GABRA2: variants seen among roughly 807,000 people sequenced by gnomAD.
GABRA2 encodes the protein gamma-aminobutyric acid receptor subunit alpha-2.
Under a neutral mutation model 48.7 loss-of-function variants are expected in GABRA2, and 16 were observed. That is an observed-to-expected ratio of 0.33 (90% CI 0.22 to 0.50). The LOEUF (loss-of-function observed/expected upper bound fraction) is 0.50, where lower values mean the gene tolerates loss of function less well. Ranked by LOEUF, GABRA2 falls within the 20% of genes least tolerant of loss-of-function variation. GABRA2 has a pLI of 0.98. For missense variants in GABRA2, 275 were observed against 535.6 expected, an observed-to-expected ratio of 0.51 and a Z score of 4.80; for synonymous variants, 185 against 184.5, an observed-to-expected ratio of 1.00 and a Z score of -0.02.
At position 46,274,636 on chromosome 4, in the gene GABRA2, G is replaced by A. The variant is rs148834596; in HGVS notation, c.857-12508C>T. ...GGAAATGATATTTTGGGGGTTGTTGGAAGGAAAACCTATAAGCATACGTGC... is the reference window on the plus strand; with the variant it reads ...GGAAATGATATTTTGGGGGTTGTTGAAAGGAAAACCTATAAGCATACGTGC... On this transcript the variant is annotated intron_variant, in intron 8 of 9. Transcript: ENST00000381620. Among the ~76,000 whole-genome samples, 198 of 152,158 alleles carry A rather than the reference G, an allele frequency of 1.3e-3. 1 individual carries two copies. Among genetic ancestry groups the A allele is most frequent in the African/African-American group, 4.6e-3 (189 of 41,530 alleles).
chr4:46,262,832 G>A (rs1717257061), intron 8 of GABRA2, among the ~76,000 whole-genome samples: 1 of 151,866 alleles, frequency 6.6e-6, no homozygotes, highest in Admixed American at 6.6e-5. Flanking sequence ...AGGAGACAGA[G>A]GTTGCAGTGA....
intron 2 of GABRA2, among the ~76,000 whole-genome samples, chr4:46,387,772 A>G (rs947567941): frequency 6.6e-6 from 1 of 152,164 alleles, no homozygotes; most frequent in Non-Finnish European, 1.5e-5. Flanking sequence ...TGGACAATTA[A>G]ATAAAAAGTT....
At chr4:46,279,918 T>A (rs1302264667) in intron 8 of GABRA2, among the ~76,000 whole-genome samples, 1 of 152,114 alleles carries the variant, frequency 6.6e-6, no homozygotes, top group Non-Finnish European at 1.5e-5. Flanking sequence ...ATTATATAAG[T>A]AGTACTTATA....
intron 4 of GABRA2, among the ~76,000 whole-genome samples, chr4:46,327,271 C>A (rs1730552388): frequency 6.6e-6 from 1 of 151,816 alleles, no homozygotes; most frequent in Non-Finnish European, 1.5e-5. Context: ...AATATGAGTC[C>A]ATAGATCATA....
At chr4:46,359,662 C>A (rs992399058) in intron 3 of GABRA2, among the ~76,000 whole-genome samples, 5 of 151,844 alleles carry the variant, frequency 3.3e-5, no homozygotes, top group Admixed American at 1.3e-4. Context: ...CAAAATAAAT[C>A]AAAACTTAAA....
chr4:46,299,423 T>G (rs1260585436), intron 8 of GABRA2, among the ~76,000 whole-genome samples: 1 of 151,888 alleles, frequency 6.6e-6, no homozygotes, highest in African/African-American at 2.4e-5. Flanking sequence ...ATTATTAATC[T>G]TACACAACTT....
At position 46,295,279 on chromosome 4, in the gene GABRA2, T is replaced by G. The variant is rs147818743; in HGVS notation, c.856+8181A>C. Among the ~76,000 whole-genome samples the G allele has an allele frequency of 5.6e-3, 860 of 152,276 alleles. 11 individuals are homozygous for G. Among genetic ancestry groups the G allele is most frequent in the African/African-American group, 0.02 (814 of 41,542 alleles). On this transcript the variant is annotated intron_variant, in intron 8 of 9. Transcript: ENST00000381620. ...GAAGGAAAACTGGCCAGATGTGCAATTATATACTGATTCATAGGCTGTAGC... is the reference window on the plus strand; with the variant it reads ...GAAGGAAAACTGGCCAGATGTGCAAGTATATACTGATTCATAGGCTGTAGC...
At chr4:46,264,764 T>C (rs923615466) in intron 8 of GABRA2, among the ~76,000 whole-genome samples, 1 of 151,890 alleles carries the variant, frequency 6.6e-6, no homozygotes, top group Non-Finnish European at 1.5e-5. Flanking sequence ...AGATTGTTGT[T>C]AATTCTTTGT....
intron 3 of GABRA2, among the ~76,000 whole-genome samples, chr4:46,348,615 G>C (rs1007919220): frequency 5.5e-4 from 83 of 152,064 alleles, no homozygotes; most frequent in Admixed American, 2.5e-3. Context: ...ATGAGGTCAT[G>C]TCCTTTGTAG....
intron 8 of GABRA2, among the ~76,000 whole-genome samples, chr4:46,294,709 G>A (rs1300293245): frequency 6.6e-6 from 1 of 150,714 alleles, no homozygotes; most frequent in Admixed American, 6.6e-5. Flanking sequence ...CTAAGATTTT[G>A]GAGAAAAGCC....
At chr4:46,348,872 A>C (rs1034408363) in intron 3 of GABRA2, among the ~76,000 whole-genome samples, 2 of 151,760 alleles carry the variant, frequency 1.3e-5, no homozygotes, top group African/African-American at 2.4e-5. Flanking sequence ...ACATGTATAC[A>C]TATGTAACAA....
At chr4:46,289,011 T>C (rs1385844702) in intron 8 of GABRA2, among the ~76,000 whole-genome samples, 1 of 151,972 alleles carries the variant, frequency 6.6e-6, no homozygotes, top group Non-Finnish European at 1.5e-5. Flanking sequence ...TGAGATACCA[T>C]CTGATACCAG....
chr4:46,313,113 TAGCA>T (rs1463195152), intron 4 of GABRA2, among the ~76,000 whole-genome samples: 179 of 113,686 alleles, frequency 1.6e-3, no homozygotes, highest in Middle Eastern at 4.3e-3. Context: ...GCTTTCCCAG[TAGCA>T]AATAAATAAA....
intron 4 of GABRA2, among the ~76,000 whole-genome samples, chr4:46,314,185 A>C (rs1728160852): frequency 6.6e-6 from 1 of 152,140 alleles, no homozygotes; most frequent in Non-Finnish European, 1.5e-5. Context: ...TTTGCACTGC[A>C]AGTTTCACGT....
chr4:46,330,290 A>G (rs1411273741), intron 4 of GABRA2, among the ~76,000 whole-genome samples: 1 of 152,040 alleles, frequency 6.6e-6, no homozygotes, highest in Non-Finnish European at 1.5e-5. Flanking sequence ...AGCTGTTTTT[A>G]GTTCAATTCA....
chr4:46,316,035 C>G (rs1355396816), intron 4 of GABRA2, among the ~76,000 whole-genome samples: 1 of 151,868 alleles, frequency 6.6e-6, no homozygotes, highest in Non-Finnish European at 1.5e-5. Flanking sequence ...TTTTCTGACA[C>G]TTGCATCTTT....
At chr4:46,273,811 T>G (rs1321941434) in intron 8 of GABRA2, among the ~76,000 whole-genome samples, 1 of 151,910 alleles carries the variant, frequency 6.6e-6, no homozygotes, top group Admixed American at 6.6e-5. Flanking sequence ...TCAGGAAGGC[T>G]TGCCAACACT....
rs1401926392 is a variant in GABRA2, at chr4:46,389,962, C to A, written c.-238G>T. 3 of 983,982 alleles carry A rather than the reference C, an allele frequency of 3.0e-6. No homozygotes were observed. The highest frequency in any genetic ancestry group is 3.6e-6 in the Non-Finnish European group (3 of 831,220). 61.0% of individuals were successfully genotyped at this position (983,982 alleles called of 1,614,324 possible). A position where few individuals can be genotyped will look rare whatever the true frequency, so the allele number is the denominator to read the frequency against. On this transcript the variant is annotated 5_prime_UTR_variant, in exon 1 of 10. Coordinates refer to ENST00000381620, the MANE Select transcript of GABRA2 (RefSeq NM_000807.4). The stretch of plus-strand genomic sequence containing the variant: ...CGGCGGCGCGAGGTGTAGAAGGAGG[C>A]GAAGGCGTTCGTAGTGGCGGTGATG...
At chr4:46,341,382 A>G (rs780862684) in intron 3 of GABRA2, among the ~76,000 whole-genome samples, 13 of 151,884 alleles carry the variant, frequency 8.6e-5, no homozygotes, top group Admixed American at 5.3e-4. Context: ...TCCACTCTTC[A>G]AGGTGTGTGT....
Sources: gnomAD v4.1 joint callset for allele counts (sites outside exome capture counted in the v4.1 genomes callset) on GRCh38, gnomAD v4.1.1 for gene constraint, MANE v1.5 for transcripts, NCBI Gene and HGNC (gene_info 2026-07-23, HGNC 2026-07-21) for gene names.